The following MEAF6 variants were observed in gnomAD, a reference collection of about 807,000 sequenced individuals.
MEAF6 encodes chromatin modification-related protein MEAF6.
MEAF6 carries 15 observed loss-of-function variants against 28.9 expected under a neutral mutation model. That is an observed-to-expected ratio of 0.52 (90% confidence interval 0.35 to 0.80). MEAF6 has a LOEUF of 0.80. MEAF6 is among the 30% of genes least tolerant of loss of function. The pLI is 0.01. For synonymous variants in MEAF6, 97 were observed against 88.7 expected (o/e 1.09, Z -0.53); for missense variants, 178 against 237.5 (o/e 0.75, Z 1.65).
At chr1:37,496,620 T>C in intron 5 of MEAF6, 8 of 1,542,558 alleles carry the variant, frequency 5.2e-6, no homozygotes, top group Non-Finnish European at 7.0e-6. Flanking sequence ...ATTAAACAGA[T>C]AAACTATGGG....
intron 4 of MEAF6, among the ~76,000 whole-genome samples, chr1:37,507,341 AAACT>A (rs1420535213): frequency 6.6e-6 from 1 of 152,110 alleles, no homozygotes; most frequent in African/African-American, 2.4e-5. Flanking sequence ...AAAAGAAAGA[AAACT>A]AAGTCAGATA....
Position 37,504,248 on chromosome 1 carries a change from C to G in MEAF6, c.341-2252G>C, listed in dbSNP as rs569358043. On this transcript the variant is annotated intron_variant, in intron 4 of 6. Transcript: ENST00000296214. ...CTCCATGATTGTAAGTTTCCTGAGG[C>G]CTCCCCAGCCATGTAGAACTGTGAG... 2.0e-5 allele frequency among the ~76,000 whole-genome samples: 3 copies of G among 152,300 alleles called. No homozygotes were observed. The South Asian group carries it at 6.2e-4, about 32-fold the overall frequency.
At chr1:37,502,302 T>G (rs1430963877) in intron 4 of MEAF6, among the ~76,000 whole-genome samples, 1 of 152,216 alleles carries the variant, frequency 6.6e-6, no homozygotes, top group Non-Finnish European at 1.5e-5. Flanking sequence ...TCTTGAACAC[T>G]TGGCCTCAAA....
intron 5 of MEAF6, among the ~76,000 whole-genome samples, chr1:37,499,421 C>G (rs1372909538): frequency 6.6e-6 from 1 of 152,192 alleles, no homozygotes; most frequent in Non-Finnish European, 1.5e-5. Context: ...GCCAGCCCTA[C>G]TGAGATATCA....
rs1318100298 is a variant in MEAF6 at position 37,506,664 on chromosome 1, T to C, written c.340+2614A>G. 3.9e-5 allele frequency among the ~76,000 whole-genome samples: 6 copies of C among 152,326 alleles called. No individual in the cohort carries two copies. In the East Asian group the frequency reaches 1.2e-3, roughly 29 times the overall value. ...TCCCAAAGTGCTGGAATTTTAAGTGTGAGCCATCTCGCCAGCCTTTTCAGG... is the reference window on the plus strand; with the variant it reads ...TCCCAAAGTGCTGGAATTTTAAGTGCGAGCCATCTCGCCAGCCTTTTCAGG... On this transcript the variant is annotated intron_variant, in intron 4 of 6. Transcript: ENST00000296214.
intron 4 of MEAF6, among the ~76,000 whole-genome samples, chr1:37,503,968 A>C (rs1167227066): frequency 2.0e-5 from 3 of 152,104 alleles, no homozygotes; most frequent in Non-Finnish European, 4.4e-5. Context: ...CAAAAAAAAG[A>C]ATATAGTTAT....
Position 37,495,073 on chromosome 1 carries a change from G to A in MEAF6, c.567+812C>T, listed in dbSNP as rs191325289. On this transcript the variant is annotated intron_variant, in intron 6 of 6. Coordinates refer to ENST00000296214, the MANE Select transcript of MEAF6 (RefSeq NM_001270875.3). ...TGACCGGCCGGGTGCGGTGGCTCAC[G>A]CCTGTAATCCCAGCACTTTGGGAGG... Among the ~76,000 whole-genome samples, 6 of 151,818 alleles carry A rather than the reference G, an allele frequency of 4.0e-5. No homozygotes were observed. The East Asian group carries it at 5.8e-4, about 15-fold the overall frequency.
In MEAF6 at chr1:37,513,854, G is replaced by A. The variant is rs1642745975; in HGVS notation, c.91-316C>T. The stretch of plus-strand genomic sequence containing the variant: ...CAGGCTAACGCAGAACTTGGGCGAT[G>A]TCCACTCCCACGCACAAAAGGTATC... On this transcript the variant is annotated intron_variant, in intron 1 of 6. Coordinates refer to ENST00000296214, the MANE Select transcript of MEAF6 (RefSeq NM_001270875.3). 1.6e-5 allele frequency: 7 copies of A among 432,594 alleles called. No homozygotes were observed. The East Asian group carries it at 2.4e-4, about 15-fold the overall frequency. 26.8% of individuals were successfully genotyped at this position (432,594 alleles called of 1,614,324 possible). A position where few individuals can be genotyped will look rare whatever the true frequency, so the allele number is the denominator to read the frequency against.
intron 5 of MEAF6, among the ~76,000 whole-genome samples, chr1:37,498,777 A>G (rs2148066421): frequency 6.6e-6 from 1 of 152,276 alleles, no homozygotes; most frequent in East Asian, 1.9e-4. Context: ...ACCAGGAATG[A>G]CATACTGTTC....
intron 5 of MEAF6, chr1:37,496,690 A>AT (rs1642137881): frequency 6.3e-7 from 1 of 1,591,958 alleles, no homozygotes; most frequent in Non-Finnish European, 8.6e-7. Flanking sequence ...ACAAATACTA[A>AT]TTCAAATCAA....
In MEAF6 at chr1:37,493,606, T is replaced by C. The variant is rs1349136624; in HGVS notation, c.*493A>G. 5.8e-6 allele frequency: 4 copies of C among 694,904 alleles called. No homozygotes were observed. Among genetic ancestry groups the C allele is most frequent in the Non-Finnish European group, 1.0e-5 (4 of 400,066 alleles). The allele number at this position is 694,904 out of a possible 1,614,324, so 43.0% of individuals were successfully genotyped here. Reference sequence around the variant, plus strand: ...GAAAGTATGAGCTGTACAAAGGCATTACAAAAAAACCCCAAAGAAAATAAG... The same window carrying C: ...GAAAGTATGAGCTGTACAAAGGCATCACAAAAAAACCCCAAAGAAAATAAG... On this transcript the variant is annotated 3_prime_UTR_variant, in exon 7 of 7. Coordinates refer to ENST00000296214, the MANE Select transcript of MEAF6 (RefSeq NM_001270875.3).
intron 4 of MEAF6, among the ~76,000 whole-genome samples, chr1:37,508,459 TG>T (rs1466628129): frequency 2.0e-5 from 3 of 151,852 alleles, no homozygotes; most frequent in Non-Finnish European, 4.4e-5. Flanking sequence ...TTTAATTTTT[TG>T]TAGAGACAGA....
intron 4 of MEAF6, among the ~76,000 whole-genome samples, chr1:37,507,281 T>C (rs1569980867): frequency 6.6e-6 from 1 of 150,922 alleles, no homozygotes; most frequent in Non-Finnish European, 1.5e-5. Flanking sequence ...GATCACGCCA[T>C]TGCACTCCAG....
chr1:37,494,178 A>C, intron 6 of MEAF6, 71 bp from the exon 7 acceptor site: 1 of 1,350,978 alleles, frequency 7.4e-7, no homozygotes. Flanking sequence ...AGGAAAAAAA[A>C]AATCTCATAA....
intron 5 of MEAF6, among the ~76,000 whole-genome samples, chr1:37,499,468 C>T (rs1035101024): frequency 1.7e-4 from 26 of 152,138 alleles, no homozygotes; most frequent in African/African-American, 5.8e-4. Context: ...AGACACAATT[C>T]CTGACTAAAG....
At chr1:37,497,606 T>A (rs576608993) in intron 5 of MEAF6, among the ~76,000 whole-genome samples, 15 of 134,400 alleles carry the variant, frequency 1.1e-4, no homozygotes, top group Non-Finnish European at 1.9e-4. Context: ...TTATTTATTT[T>A]TTGAGACAGA....
rs930456259 is a variant in MEAF6, at chr1:37,493,906, G to T, written c.*193C>A. The T allele has an allele frequency of 1.5e-4, 233 of 1,587,166 alleles. No homozygotes were observed. Among genetic ancestry groups the T allele is most frequent in the Non-Finnish European group, 1.9e-4 (224 of 1,168,666 alleles). ...GTTCTGTTACTAAAAATGACATAAAGTAAGACCCAATGTCTTACAGAAATG... is the reference window on the plus strand; with the variant it reads ...GTTCTGTTACTAAAAATGACATAAATTAAGACCCAATGTCTTACAGAAATG... On this transcript the variant is annotated 3_prime_UTR_variant, in exon 7 of 7. Transcript: ENST00000296214.
At chr1:37,509,120 T>C (rs1351761802) in intron 4 of MEAF6, among the ~76,000 whole-genome samples, 158 bp downstream of exon 4, 1 of 151,894 alleles carries the variant, frequency 6.6e-6, no homozygotes, top group East Asian at 1.9e-4. Flanking sequence ...AAAAACATGA[T>C]TAAGGATACC....
chr1:37,506,329 A>G (rs1642481293), intron 4 of MEAF6, among the ~76,000 whole-genome samples: 1 of 152,216 alleles, frequency 6.6e-6, no homozygotes, highest in African/African-American at 2.4e-5. Flanking sequence ...ATATGACCAA[A>G]AAAGAAAATC....
Sources: gnomAD v4.1 joint callset for allele counts (sites outside exome capture counted in the v4.1 genomes callset) on GRCh38, gnomAD v4.1.1 for gene constraint, MANE v1.5 for transcripts, NCBI Gene and HGNC (gene_info 2026-07-23, HGNC 2026-07-21) for gene names.